The following SMYD3 variants were observed in gnomAD, a reference collection of about 807,000 sequenced individuals.
SMYD3 encodes histone-lysine N-methyltransferase SMYD3.
A neutral mutation model predicts 57.7 loss-of-function variants in SMYD3; 36 were observed. The observed-to-expected ratio is 0.62, with a 90% CI of 0.48 to 0.82. The LOEUF (loss-of-function observed/expected upper bound fraction) is 0.82. Among genes scored for constraint, SMYD3 ranks in the 40% least tolerant of loss-of-function variants. The pLI is 0.00. For missense variants in SMYD3, 515 were observed against 538.8 expected, an observed-to-expected ratio of 0.96 and a Z score of 0.44; for synonymous variants, 211 against 195.0, an observed-to-expected ratio of 1.08 and a Z score of -0.68.
chr1:245,804,406 C>A (rs908888872), intron 10 of SMYD3, among the ~76,000 whole-genome samples: 5 of 151,894 alleles, frequency 3.3e-5, no homozygotes, highest in Non-Finnish European at 5.9e-5. Flanking sequence ...TGTGGTGAAA[C>A]CCCATCTCTA....
intron 5 of SMYD3, chr1:245,930,382 A>T: frequency 5.9e-6 from 2 of 336,424 alleles, no homozygotes; most frequent in Non-Finnish European, 1.2e-5. Flanking sequence ...CTTGTCTCTT[A>T]CTCCTACAGA....
chr1:246,419,541 TGTCCTCACCTAGGTCGA>T (rs999828879), intron 1 of SMYD3, among the ~76,000 whole-genome samples: 1 of 152,140 alleles, frequency 6.6e-6, no homozygotes, highest in African/African-American at 2.4e-5. Flanking sequence ...CAGAAGTGCT[TGTCCTCACCTAGGTCGA>T]TGGGGGTAGC....
At chr1:245,881,881 A>T (rs76063515) in intron 8 of SMYD3, among the ~76,000 whole-genome samples, 2,561 of 152,228 alleles carry the variant, frequency 0.017, 59 homozygotes, top group East Asian at 0.11. Context: ...GAGGGAAGCC[A>T]AGTGCAAAGG....
intron 5 of SMYD3, among the ~76,000 whole-genome samples, chr1:246,169,502 C>T (rs1055472922): frequency 6.6e-6 from 1 of 151,018 alleles, no homozygotes; most frequent in East Asian, 1.9e-4. Context: ...GTCCTGTTTG[C>T]TCTTCTTGGG....
chr1:245,815,407 C>T (rs566982124), intron 10 of SMYD3, among the ~76,000 whole-genome samples: 13 of 152,336 alleles, frequency 8.5e-5, no homozygotes, highest in Admixed American at 1.3e-4. Flanking sequence ...CCAAGCTGTA[C>T]GCTCTAGTTT....
chr1:245,861,344 C>T (rs532784289), intron 9 of SMYD3, among the ~76,000 whole-genome samples: 5 of 152,122 alleles, frequency 3.3e-5, no homozygotes, highest in African/African-American at 4.8e-5. Flanking sequence ...GTGGACAGAA[C>T]GGATATCTTT....
At chr1:245,884,151 A>G (rs1274426530) in intron 8 of SMYD3, among the ~76,000 whole-genome samples, 1 of 152,118 alleles carries the variant, frequency 6.6e-6, no homozygotes, top group East Asian at 1.9e-4. Flanking sequence ...AAAAAGCCCA[A>G]AAGGTCAGTA....
chr1:246,225,960 C>A (rs933203488), intron 5 of SMYD3, among the ~76,000 whole-genome samples: 1 of 152,122 alleles, frequency 6.6e-6, no homozygotes, highest in Admixed American at 6.5e-5. Context: ...CATTATGAAT[C>A]CAATTTCCAA....
intron 5 of SMYD3, among the ~76,000 whole-genome samples, chr1:246,322,709 C>G (rs1962470): frequency 0.14 from 21,637 of 152,018 alleles, 2,041 homozygotes; most frequent in East Asian, 0.38. Context: ...AGGGAACATA[C>G]AATCTAAGTT....
At chr1:245,848,301 T>C (rs1422301950) in intron 10 of SMYD3, among the ~76,000 whole-genome samples, 2 of 151,732 alleles carry the variant, frequency 1.3e-5, no homozygotes, top group Admixed American at 6.6e-5. Context: ...GTGTATTTCT[T>C]GGTAGAGATA....
At chr1:246,506,377 C>T (rs112023519) in intron 1 of SMYD3, among the ~76,000 whole-genome samples, 2,520 of 152,330 alleles carry the variant, frequency 0.017, 35 homozygotes, top group Non-Finnish European at 0.025. Flanking sequence ...GCCTGCACAG[C>T]CATTAAATGG....
chr1:245,997,774 C>T (rs995230441), intron 5 of SMYD3, among the ~76,000 whole-genome samples: 2 of 152,134 alleles, frequency 1.3e-5, no homozygotes, highest in African/African-American at 4.8e-5. Flanking sequence ...CACTTTAGGA[C>T]AAAGGGGGAA....
intron 2 of SMYD3, among the ~76,000 whole-genome samples, chr1:246,350,522 C>CT (rs1226142446): frequency 6.6e-6 from 1 of 152,136 alleles, no homozygotes; most frequent in Non-Finnish European, 1.5e-5. Context: ...GACATGATGA[C>CT]TAAATGGATC....
chr1:245,993,440 G>A (rs772773883), intron 5 of SMYD3, among the ~76,000 whole-genome samples: 20 of 152,004 alleles, frequency 1.3e-4, no homozygotes, highest in Non-Finnish European at 2.5e-4. Context: ...TAAAAAATTG[G>A]TTAAAAAATA....
At chr1:246,279,032 C>G (rs924533442) in intron 5 of SMYD3, among the ~76,000 whole-genome samples, 9 of 152,118 alleles carry the variant, frequency 5.9e-5, no homozygotes, top group African/African-American at 2.2e-4. Flanking sequence ...GTCCAGCATC[C>G]TCTAGGCCCT....
intron 5 of SMYD3, among the ~76,000 whole-genome samples, chr1:246,000,976 C>T (rs2059030766): frequency 6.6e-6 from 1 of 152,176 alleles, no homozygotes; most frequent in Non-Finnish European, 1.5e-5. Flanking sequence ...GTAAGGTTTT[C>T]CTTAATTTCT....
intron 5 of SMYD3, among the ~76,000 whole-genome samples, chr1:246,080,001 A>G (rs1294159798): frequency 6.6e-6 from 1 of 152,236 alleles, no homozygotes; most frequent in Non-Finnish European, 1.5e-5. Flanking sequence ...TGTGTGAAGA[A>G]GAGAAGGCTT....
chr1:246,021,913 G>A (rs2059477745), intron 5 of SMYD3, among the ~76,000 whole-genome samples: 1 of 152,158 alleles, frequency 6.6e-6, no homozygotes, highest in African/African-American at 2.4e-5. Flanking sequence ...CATTCTGTCT[G>A]TGACCTCTTG....
At chr1:246,322,304 G>C (rs1484097663) in intron 5 of SMYD3, 1 of 152,140 alleles carries the variant, frequency 6.6e-6, no homozygotes, top group Non-Finnish European at 1.5e-5. Flanking sequence ...GGAGGCAGAG[G>C]TGCAGTGAGC....
Sources: allele counts gnomAD v4.1 joint callset (sites outside exome capture counted in the v4.1 genomes callset), GRCh38; gene constraint gnomAD v4.1.1; transcripts MANE v1.5; gene names NCBI Gene and HGNC (gene_info 2026-07-23, HGNC 2026-07-21).